The following CA10 variants were observed in gnomAD, a reference collection of about 807,000 sequenced individuals.
CA10 encodes the protein carbonic anhydrase 10 (inactive), also known as carbonic anhydrase-related protein 10.
In CA10, 14 loss-of-function variants were observed where a neutral mutation model predicts 44.2. The ratio of observed to expected loss-of-function variants is 0.32; its 90% CI spans 0.21 to 0.50. The LOEUF (loss-of-function observed/expected upper bound fraction) is 0.50. CA10 is among the 20% of genes least tolerant of loss of function. CA10 has a pLI of 0.99. For missense variants in CA10, 350 were observed against 409.7 expected (o/e 0.85, Z 1.26); for synonymous variants, 159 against 141.6 (o/e 1.12, Z -0.87).
At chr17:52,092,057 CTCTT>C (rs1218102971) in intron 1 of CA10, among the ~76,000 whole-genome samples, 3 of 149,944 alleles carry the variant, frequency 2.0e-5, no homozygotes, top group South Asian at 2.1e-4. Context: ...ACCTGTCTTT[CTCTT>C]TCTCTTTCTC....
At chr17:51,710,795 C>G (rs1195461312) in intron 4 of CA10, among the ~76,000 whole-genome samples, 2 of 152,092 alleles carry the variant, frequency 1.3e-5, no homozygotes, top group Non-Finnish European at 2.9e-5. Context: ...CAGTCTCTTC[C>G]TGGGGCTGGC....
intron 4 of CA10, among the ~76,000 whole-genome samples, chr17:51,712,217 C>A (rs1168487644): frequency 1.3e-5 from 2 of 152,182 alleles, no homozygotes; most frequent in Non-Finnish European, 2.9e-5. Context: ...CATGCCCTTT[C>A]TACGCATTTC....
At chr17:51,880,246 C>G (rs898168854) in intron 3 of CA10, among the ~76,000 whole-genome samples, 3 of 152,146 alleles carry the variant, frequency 2.0e-5, no homozygotes, top group Non-Finnish European at 2.9e-5. Flanking sequence ...GGTATGTCCC[C>G]GTGTGGTACT....
intron 2 of CA10, among the ~76,000 whole-genome samples, chr17:51,986,858 T>G (rs1481007338): frequency 6.6e-6 from 1 of 151,758 alleles, no homozygotes; most frequent in Non-Finnish European, 1.5e-5. Flanking sequence ...GAAAAAAAAG[T>G]AGATATCGGC....
intron 1 of CA10, among the ~76,000 whole-genome samples, chr17:52,075,960 C>G: frequency 6.6e-6 from 1 of 152,020 alleles, no homozygotes; most frequent in East Asian, 1.9e-4. Flanking sequence ...TGCCATTTGA[C>G]CATATCATTA....
intron 4 of CA10, among the ~76,000 whole-genome samples, chr17:51,696,101 A>G (rs985321107): frequency 6.6e-6 from 1 of 152,168 alleles, no homozygotes; most frequent in Non-Finnish European, 1.5e-5. Context: ...ATCTATGTTC[A>G]TCAGGGATAT....
chr17:51,925,554 C>A (rs1982396817), intron 3 of CA10, among the ~76,000 whole-genome samples: 1 of 151,866 alleles, frequency 6.6e-6, no homozygotes. Context: ...AAAAGTTAAA[C>A]ATAGATATGC....
chr17:52,157,589 G>T, intron 1 of CA10, 137 bp downstream of exon 1: 3 of 638,948 alleles, frequency 4.7e-6, no homozygotes, highest in Admixed American at 2.7e-5. Context: ...TTTTGATTCT[G>T]AAGGCGGCAA....
At chr17:51,748,153 A>G (rs1904771993) in intron 3 of CA10, among the ~76,000 whole-genome samples, 3 of 152,240 alleles carry the variant, frequency 2.0e-5, no homozygotes, top group African/African-American at 7.2e-5. Context: ...AGATACTGCA[A>G]GAGTTCTAAA....
chr17:51,825,954 C>G (rs1907992340), intron 3 of CA10, among the ~76,000 whole-genome samples: 6 of 152,196 alleles, frequency 3.9e-5, no homozygotes, highest in Admixed American at 3.9e-4. Context: ...TCTCAGCGTA[C>G]TTTATTGTTC....
At chr17:52,022,241 A>G (rs531564284) in intron 2 of CA10, among the ~76,000 whole-genome samples, 2 of 152,284 alleles carry the variant, frequency 1.3e-5, no homozygotes, top group East Asian at 3.9e-4. Flanking sequence ...GCATCACATC[A>G]AAGTGTTAAT....
At chr17:51,888,019 C>T (rs1980690283) in intron 3 of CA10, among the ~76,000 whole-genome samples, 1 of 151,362 alleles carries the variant, frequency 6.6e-6, no homozygotes, top group African/African-American at 2.4e-5. Flanking sequence ...AATGAGACTC[C>T]ATCTCAAGAA....
chr17:51,971,130 G>T (rs113026292), intron 2 of CA10, among the ~76,000 whole-genome samples: 1 of 152,006 alleles, frequency 6.6e-6, no homozygotes, highest in African/African-American at 2.4e-5. Context: ...ATCTACAGCT[G>T]TTCATTAATT....
chr17:52,032,045 C>T (rs192237282), intron 2 of CA10, among the ~76,000 whole-genome samples: 244 of 152,206 alleles, frequency 1.6e-3, no homozygotes, highest in Non-Finnish European at 2.7e-3. Context: ...TTAAAAGCAC[C>T]GGCTTTTCTG....
At position 51,789,418 on chromosome 17, in the gene CA10, T is replaced by C. The variant is rs147051016; in HGVS notation, c.280-41600A>G. 4.1e-3 allele frequency among the ~76,000 whole-genome samples: 620 copies of C among 152,374 alleles called. 5 individuals carry two copies. Among genetic ancestry groups the C allele is most frequent in the African/African-American group, 0.014 (595 of 41,586 alleles). On this transcript the variant is annotated intron_variant, in intron 3 of 8. Transcript: ENST00000451037. ...ACTAACAGATTATAGCTGCAGCTTA[T>C]AGATGAAAGCTTAGTATTTCATCAT...
rs143823205 is a variant in CA10, at chr17:51,992,072, A to G, written c.137-60940T>C. Reference sequence around the variant, plus strand: ...TTTTTCATGAATGTTGACATTCGTTATATTATTTTGGTTCTGGTTTTTAAA... The same window carrying G: ...TTTTTCATGAATGTTGACATTCGTTGTATTATTTTGGTTCTGGTTTTTAAA... On this transcript the variant is annotated intron_variant, in intron 2 of 8. Transcript: ENST00000451037. Among the ~76,000 whole-genome samples, 506 of 152,028 alleles carry G rather than the reference A, an allele frequency of 3.3e-3. 5 individuals carry two copies. Among genetic ancestry groups the G allele is most frequent in the South Asian group, 0.022 (105 of 4,800 alleles).
chr17:51,780,143 T>TAGCAAAACCTCCTTTGAC (rs1905998246), intron 3 of CA10, among the ~76,000 whole-genome samples: 1 of 152,232 alleles, frequency 6.6e-6, no homozygotes, highest in Non-Finnish European at 1.5e-5. Context: ...GGCTTCTTTC[T>TAGCAAAACCTCCTTTGAC]AGCAAAACCT....
intron 3 of CA10, among the ~76,000 whole-genome samples, chr17:51,811,344 G>A (rs1466632609): frequency 6.6e-6 from 1 of 152,110 alleles, no homozygotes; most frequent in African/African-American, 2.4e-5. Flanking sequence ...CAACGTGCAG[G>A]TTTGATACAT....
At position 52,040,742 on chromosome 17, in the gene CA10, C is replaced by T. The variant is rs930432292; in HGVS notation, c.136+31577G>A. ...AGTGGAGGGGACAGAGTTCAGAGTT[C>T]GGAGAGACCAAGGCAGCTAGAAATC... On this transcript the variant is annotated intron_variant, in intron 2 of 8. Transcript: ENST00000451037. Among the ~76,000 whole-genome samples, 6 of 151,906 alleles carry T rather than the reference C, an allele frequency of 3.9e-5. No individual in the cohort carries two copies. In the South Asian group the frequency reaches 1.0e-3, roughly 26 times the overall value.
Sources: allele counts gnomAD v4.1 joint callset (sites outside exome capture counted in the v4.1 genomes callset), GRCh38; gene constraint gnomAD v4.1.1; transcripts MANE v1.5; gene names NCBI Gene and HGNC (gene_info 2026-07-23, HGNC 2026-07-21).